CHUK: variants seen among roughly 807,000 people sequenced by gnomAD.
CHUK encodes inhibitor of nuclear factor kappa-B kinase subunit alpha.
Under a neutral mutation model 104.8 loss-of-function variants are expected in CHUK, and 35 were observed. The observed-to-expected ratio is 0.33, with a 90% CI of 0.26 to 0.44. The LOEUF (loss-of-function observed/expected upper bound fraction) is 0.44. Ranked by LOEUF, CHUK falls within the 20% of genes least tolerant of loss-of-function variation. The probability of loss-of-function intolerance (pLI) is 1.00; values close to 1 mark genes in which losing one functional copy is unlikely to be tolerated. For synonymous variants in CHUK, 276 were observed against 291.9 expected, an observed-to-expected ratio of 0.95 and a Z score of 0.56; for missense variants, 663 against 902.7, an observed-to-expected ratio of 0.73 and a Z score of 3.40.
chr10:100,191,033 TC>T, intron 19 of CHUK, 65 bp from the exon 20 acceptor site: 1 of 947,060 alleles, frequency 1.1e-6, no homozygotes, highest in South Asian at 1.3e-5. Flanking sequence ...TCCTCTACTT[TC>T]TAGTCTTCTA....
At chr10:100,201,680 C>A (rs1845465866) in intron 14 of CHUK, among the ~76,000 whole-genome samples, 1 of 152,058 alleles carries the variant, frequency 6.6e-6, no homozygotes, top group Non-Finnish European at 1.5e-5. Flanking sequence ...CATAGTGAGA[C>A]CCCGTCTCTA....
At chr10:100,221,984 C>G (rs1053492881) in intron 4 of CHUK, 128 bp downstream of exon 4, 9 of 620,314 alleles carry the variant, frequency 1.5e-5, no homozygotes, top group Non-Finnish European at 2.6e-5. Context: ...ATTTTTATAA[C>G]TTCTTATAGA....
intron 9 of CHUK, among the ~76,000 whole-genome samples, chr10:100,215,175 C>G (rs1253545503): frequency 7.9e-6 from 1 of 126,430 alleles, no homozygotes; most frequent in Non-Finnish European, 1.5e-5. Flanking sequence ...GTGTAGGTTG[C>G]AGTGAGTTGA....
At chr10:100,225,887 A>T (rs1185135790) in intron 2 of CHUK, 36 bp downstream of exon 2, 1 of 1,211,634 alleles carries the variant, frequency 8.3e-7, no homozygotes, top group East Asian at 2.3e-5. Context: ...GTTGGGCTGT[A>T]GAACCAGGGA....
At position 100,220,531 on chromosome 10, in the gene CHUK, C is replaced by CTA. The variant is rs1589596819; in HGVS notation, c.474+55_474+56dup. ...AAAGACACCAAAGCTCAAGGACTAA[C>CTA]TATATCAGAGAGACTATATTCAATA... On this transcript the variant is annotated intron_variant, in intron 5 of 20. Coordinates refer to ENST00000370397, the MANE Select transcript of CHUK (RefSeq NM_001278.5). 6 of 1,197,176 alleles carry CTA rather than the reference C, an allele frequency of 5.0e-6. No individual in the cohort carries two copies. The East Asian group carries it at 1.2e-4, about 23-fold the overall frequency. 74.2% of individuals were successfully genotyped at this position (1,197,176 alleles called of 1,614,324 possible).
intron 9 of CHUK, 125 bp downstream of exon 9, chr10:100,217,870 C>G: frequency 9.6e-7 from 1 of 1,044,758 alleles, no homozygotes; most frequent in Non-Finnish European, 1.4e-6. Flanking sequence ...GAGTGAGACC[C>G]TGTCTCAAAA....
chr10:100,229,433 G>A lies in CHUK; in HGVS notation c.100C>T (p.His34Tyr). The A allele has an allele frequency of 6.2e-7, 1 of 1,603,476 alleles. No homozygotes were observed. The highest frequency in any genetic ancestry group is 8.5e-7 in the Non-Finnish European group (1 of 1,177,594). Residue 34 changes from histidine to tyrosine, a missense_variant, in exon 1 of 21, where the codon CAT becomes TAT. Physicochemically the swap from His to Tyr is moderately conservative, Grantham distance 83 (BLOSUM62 2). Transcript: ENST00000370397. ...CCTCTCACGCCCCGCCTCACCCGAT[G>A]CTGGTACAGACAGACGTTCCCGAAG... is the stretch of plus-strand genomic sequence containing the variant. The part of the protein sequence containing the change: ...GGFGNVCLYQ[H>Y]RELDLKIAIK...
At chr10:100,214,105 A>T (rs1845798717) in intron 9 of CHUK, among the ~76,000 whole-genome samples, 1 of 152,198 alleles carries the variant, frequency 6.6e-6, no homozygotes, top group Admixed American at 6.5e-5. Flanking sequence ...CCTATAATGG[A>T]CATCTACTTT....
intron 4 of CHUK, among the ~76,000 whole-genome samples, chr10:100,221,526 G>C (rs117900452): frequency 0.018 from 2,669 of 152,242 alleles, 53 homozygotes; most frequent in Admixed American, 0.063. Flanking sequence ...TCAATGGTAG[G>C]GGGGGAGAGA....
At chr10:100,198,971 C>G (rs1047722869) in intron 16 of CHUK, among the ~76,000 whole-genome samples, 2 of 152,114 alleles carry the variant, frequency 1.3e-5, no homozygotes, top group Non-Finnish European at 2.9e-5. Context: ...CACAAACATC[C>G]TCTTAAATAC....
intron 9 of CHUK, among the ~76,000 whole-genome samples, chr10:100,210,091 A>AT (rs11436816): frequency 0.029 from 3,553 of 121,812 alleles, 56 homozygotes; most frequent in Middle Eastern, 0.06. Context: ...TTATTTATTT[A>AT]TTTTTTTTTT....
At position 100,190,967 on chromosome 10, in the gene CHUK, C is replaced by T. The variant is rs756218887; in HGVS notation, c.2110G>A (p.Glu704Lys). 15 of 1,579,394 alleles carry T rather than the reference C, an allele frequency of 9.5e-6. No homozygotes were observed. The South Asian group carries it at 1.0e-4, about 10-fold the overall frequency. ...TCTTCTATCATTTGTGCTGAAGTCTCCCTGTGAGATGAAAGAACAAAGCCT... is the reference window on the plus strand; with the variant it reads ...TCTTCTATCATTTGTGCTGAAGTCTTCCTGTGAGATGAAAGAACAAAGCCT... Reference protein sequence around the residue: ...LSCVVTPQDGETSAQMIEENL... With the variant: ...LSCVVTPQDGKTSAQMIEENL... Residue 704 changes from glutamate to lysine, a missense_variant and splice_region_variant, in exon 20 of 21, where the codon GAG (glutamate) becomes AAG (lysine). By Grantham distance (56) the Glu-to-Lys change is moderately conservative (BLOSUM62 1). Coordinates refer to ENST00000370397, the MANE Select transcript of CHUK (RefSeq NM_001278.5).
chr10:100,187,825 T>C (rs1220779609), downstream of CHUK: 12 of 152,260 alleles, frequency 7.9e-5, no homozygotes, highest in Admixed American at 7.9e-4. Context: ...TGCATGACCA[T>C]TGAAAATAAT....
intron 1 of CHUK, 142 bp from the exon 2 acceptor site, chr10:100,226,159 C>T (rs1756402004): frequency 1.6e-6 from 1 of 630,538 alleles, no homozygotes; most frequent in African/African-American, 1.8e-5. Flanking sequence ...TGAGGCAATG[C>T]TTTTTAAAAA....
chr10:100,194,217 C>T, intron 17 of CHUK, 86 bp from the exon 18 acceptor site: 2 of 1,416,962 alleles, frequency 1.4e-6, no homozygotes, highest in Non-Finnish European at 2.0e-6. Context: ...GGAAATGAAC[C>T]ACAATCAGCA....
chr10:100,207,495 G>C (rs1845615929), intron 10 of CHUK, among the ~76,000 whole-genome samples, 163 bp from the exon 11 acceptor site: 1 of 152,038 alleles, frequency 6.6e-6, no homozygotes, highest in South Asian at 2.1e-4. Flanking sequence ...CTTTTGTTGA[G>C]GAAAAAAGAC....
chr10:100,200,862 G>T, intron 14 of CHUK, 82 bp from the exon 15 acceptor site: 1 of 790,940 alleles, frequency 1.3e-6, no homozygotes, highest in South Asian at 1.4e-5. Flanking sequence ...TAAGGATACA[G>T]AATGACTTGC....
intron 11 of CHUK, 69 bp downstream of exon 11, chr10:100,207,160 TA>T: frequency 1.2e-6 from 1 of 802,048 alleles, no homozygotes; most frequent in Non-Finnish European, 2.2e-6. Context: ...CCATTTCTAC[TA>T]ATCATACTGA....
At chr10:100,197,551 TAAC>T (rs1845363176) in intron 16 of CHUK, among the ~76,000 whole-genome samples, 2 of 152,182 alleles carry the variant, frequency 1.3e-5, no homozygotes, top group Non-Finnish European at 2.9e-5. Flanking sequence ...CATTTAAAAA[TAAC>T]AAACCTATTG....
Sources: allele counts gnomAD v4.1 joint callset (sites outside exome capture counted in the v4.1 genomes callset), GRCh38; gene constraint gnomAD v4.1.1; transcripts MANE v1.5; gene names NCBI Gene and HGNC (gene_info 2026-07-23, HGNC 2026-07-21).